TMEM229A: variants seen among roughly 807,000 people sequenced by gnomAD.
TMEM229A encodes the protein transmembrane protein 229A.
In TMEM229A, 23 loss-of-function variants were observed where a neutral mutation model predicts 30.0. The ratio of observed to expected loss-of-function variants is 0.77; its 90% CI spans 0.55 to 1.09. The LOEUF is 1.09. Among genes scored for constraint, TMEM229A ranks in the 50% least tolerant of loss-of-function variants. The pLI, the probability that TMEM229A is intolerant of heterozygous loss-of-function variation, is 0.00. For missense variants in TMEM229A, 534 were observed against 525.9 expected (o/e 1.02, Z -0.15); for synonymous variants, 264 against 241.5 (o/e 1.09, Z -0.86).
At position 124,032,948 on chromosome 7, in the gene TMEM229A, C is replaced by T. The variant is rs1275218241; in HGVS notation, c.56G>A (p.Arg19Gln). Reference sequence around the variant, plus strand: ...TGGCCCGCCAGGGGCCCCCGGACGCCGCGCCGCGCCGCCCCTCCGTGCGGG... The same window carrying T: ...TGGCCCGCCAGGGGCCCCCGGACGCTGCGCCGCGCCGCCCCTCCGTGCGGG... Reference protein sequence around the residue: ...EGPARRGGAARRPGAPGGPGS... With the variant: ...EGPARRGGAAQRPGAPGGPGS... Residue 19 changes from arginine (R) to glutamine (Q), a missense_variant, in exon 1 of 1, where the codon CGG (arginine) becomes CAG (glutamine). Coordinates refer to ENST00000455783, the MANE Select transcript of TMEM229A (RefSeq NM_001136002.2). The surrounding 1 kb of genome is among the most constrained non-coding windows in gnomAD (Gnocchi z 6.6). The T allele has an allele frequency of 2.2e-5, 30 of 1,337,192 alleles. No individual in the cohort carries two copies. The highest frequency in any genetic ancestry group is 2.9e-5 in the Non-Finnish European group (30 of 1,049,816). The allele number at this position is 1,337,192 out of a possible 1,614,324, so 82.8% of individuals were successfully genotyped here. A position where few individuals can be genotyped will look rare whatever the true frequency, so the allele number is the denominator to read the frequency against.
In TMEM229A at chr7:124,032,423, T is replaced by C. The variant is rs1793148160; in HGVS notation, c.581A>G (p.Gln194Arg). The change falls in exon 1 of 1, where the codon CAG becomes CGG. Residue 194 changes from glutamine (Q) to arginine (R), a missense_variant. By Grantham distance (43) the Gln-to-Arg change is conservative. Coordinates refer to ENST00000455783, the MANE Select transcript of TMEM229A (RefSeq NM_001136002.2). This position sits in a 1 kb window ranked among gnomAD's most constrained non-coding sequence, Gnocchi z 6.6. ...CCTCCGCTGCTGCTGCTGCTGCTGCTGCTGCTGTTGCTGCTGCCGCCGCCT... is the reference window on the plus strand; with the variant it reads ...CCTCCGCTGCTGCTGCTGCTGCTGCCGCTGCTGTTGCTGCTGCCGCCGCCT... ...RQRRRQQQQQ[Q>R]QQQQQQRRGA... is the part of the protein sequence containing the mutation. The C allele has an allele frequency of 6.5e-7, 1 of 1,544,652 alleles. No individual in the cohort carries two copies. The highest frequency in any genetic ancestry group is 8.7e-7 in the Non-Finnish European group (1 of 1,145,800).
Position 124,032,445 on chromosome 7 carries a change from G to A in TMEM229A, c.559C>T (p.Arg187Trp). ...TGCTGCTGCTGTTGCTGCTGCCGCC[G>A]CCTCTGTCGCCCGTACCGCAAGCGC... ...FLRLRYGRQR[R>W]RQQQQQQQQQ... Residue 187 changes from arginine (R) to tryptophan (W), a missense_variant, in exon 1 of 1, where the codon CGG becomes TGG. Coordinates refer to ENST00000455783, the MANE Select transcript of TMEM229A (RefSeq NM_001136002.2). The surrounding 1 kb of genome is among the most constrained non-coding windows in gnomAD (Gnocchi z 6.6). 2 of 1,547,334 alleles carry A rather than the reference G, an allele frequency of 1.3e-6. No individual in the cohort carries two copies. The highest frequency in any genetic ancestry group is 1.7e-6 in the Non-Finnish European group (2 of 1,146,218).
In TMEM229A at chr7:124,031,532, C is replaced by T. The variant is rs1377012891; in HGVS notation, c.*329G>A. 1 of 190,138 alleles carries T rather than the reference C, an allele frequency of 5.3e-6. No homozygotes were observed. The highest frequency in any genetic ancestry group is 1.3e-4 in the East Asian group (1 of 7,682). The allele number at this position is 190,138 out of a possible 1,614,324, so 11.8% of individuals were successfully genotyped here. On this transcript the variant is annotated 3_prime_UTR_variant, in exon 1 of 1. Transcript: ENST00000455783. This position sits in a 1 kb window ranked among gnomAD's most constrained non-coding sequence, Gnocchi z 4.1. ...TTAGTAGCTGTCACTCATCTGTTGC[C>T]AGATGGGTAAACACTACTACATCAT...
Position 124,031,613 on chromosome 7 carries a change from T to C in TMEM229A, c.*248A>G, listed in dbSNP as rs1015658102. 7.5e-6 allele frequency: 3 copies of C among 398,608 alleles called. No homozygotes were observed. Among genetic ancestry groups the C allele is most frequent in the Non-Finnish European group, 1.3e-5 (3 of 228,052 alleles). The allele number at this position is 398,608 out of a possible 1,614,324, so 24.7% of individuals were successfully genotyped here. A position where few individuals can be genotyped will look rare whatever the true frequency, so the allele number is the denominator to read the frequency against. ...TTGGGCGTGTAAACGTTTGGGCTTG[T>C]AAATGTTTTAAAACATTGGCAAATA... On this transcript the variant is annotated 3_prime_UTR_variant, in exon 1 of 1. Transcript: ENST00000455783. This position sits in a 1 kb window ranked among gnomAD's most constrained non-coding sequence, Gnocchi z 4.1.
At position 124,032,092 on chromosome 7, in the gene TMEM229A, C is replaced by G. The variant is rs1197306726; in HGVS notation, c.912G>C (p.Trp304Cys). Residue 304 changes from tryptophan (W) to cysteine (C), a missense_variant, in exon 1 of 1, where the codon TGG becomes TGC. By Grantham distance (215) the Trp-to-Cys change is radical (BLOSUM62 -2). Transcript: ENST00000455783. This position sits in a 1 kb window ranked among gnomAD's most constrained non-coding sequence, Gnocchi z 6.6. The part of the protein sequence containing the change: ...LYFHLHYSRG[W>C]GTWKRVPIYV... Reference sequence around the variant, plus strand: ...AGATGGGCACCCGCTTCCAAGTGCCCCAACCGCGGCTGTAGTGGAGGTGGA... The same window carrying G: ...AGATGGGCACCCGCTTCCAAGTGCCGCAACCGCGGCTGTAGTGGAGGTGGA... 6.4e-7 allele frequency: 1 copy of G among 1,551,594 alleles called. No homozygotes were observed. The highest frequency in any genetic ancestry group is 8.7e-7 in the Non-Finnish European group (1 of 1,147,006).
In TMEM229A at chr7:124,032,665, G is replaced by A; in HGVS notation, c.339C>T (p.Arg113=). 6.4e-7 allele frequency: 1 copy of A among 1,551,482 alleles called. No homozygotes were observed. Among genetic ancestry groups the A allele is most frequent in the Non-Finnish European group, 8.7e-7 (1 of 1,146,866 alleles). The change falls in exon 1 of 1, where the codon CGC becomes CGT. Residue 113 remains arginine, a synonymous_variant. Transcript: ENST00000455783. The surrounding 1 kb of genome is among the most constrained non-coding windows in gnomAD (Gnocchi z 6.6). Reference sequence around the variant, plus strand: ...AATTGAAGACGAAGGCGTTGGGACAGCGCCGCTGCTGCAGGTACACCTTCT... The same window carrying A: ...AATTGAAGACGAAGGCGTTGGGACAACGCCGCTGCTGCAGGTACACCTTCT... ...ALEKVYLQQR[R]CPNAFVFNFL...
chr7:124,033,020 C>G lies in TMEM229A; in HGVS notation c.-17G>C, dbSNP rs1793160151. On this transcript the variant is annotated 5_prime_UTR_variant, in exon 1 of 1. Transcript: ENST00000455783. ...CCCCGCCATGGGCTCGGAGGCTGTCCGAACGCCCGAGGCTGCACCGCCGCC... is the reference window on the plus strand; with the variant it reads ...CCCCGCCATGGGCTCGGAGGCTGTCGGAACGCCCGAGGCTGCACCGCCGCC... 1.6e-6 allele frequency: 2 copies of G among 1,244,024 alleles called. No homozygotes were observed. Among genetic ancestry groups the G allele is most frequent in the East Asian group, 3.4e-5 (1 of 29,608 alleles). The allele number at this position is 1,244,024 out of a possible 1,614,324, so 77.1% of individuals were successfully genotyped here.
At position 124,031,857 on chromosome 7, in the gene TMEM229A, G is replaced by C; in HGVS notation, c.*4C>G. On this transcript the variant is annotated 3_prime_UTR_variant, in exon 1 of 1. Transcript: ENST00000455783. The surrounding 1 kb of genome is among the most constrained non-coding windows in gnomAD (Gnocchi z 4.1). ...TTTTCCTTTTCTTTCTTTCTTTTTT[G>C]GTTTTAGTTAGCTGGTACGTACTGC... is the stretch of plus-strand genomic sequence containing the variant. The C allele has an allele frequency of 6.8e-7, 1 of 1,473,570 alleles. No individual in the cohort carries two copies. 91.3% of individuals were successfully genotyped at this position (1,473,570 alleles called of 1,614,324 possible). A position where few individuals can be genotyped will look rare whatever the true frequency, so the allele number is the denominator to read the frequency against.
At position 124,032,825 on chromosome 7, in the gene TMEM229A, T is replaced by C; in HGVS notation, c.179A>G (p.Tyr60Cys). Residue 60 changes from tyrosine (Y) to cysteine (C), a missense_variant, in exon 1 of 1, where the codon TAC becomes TGC. By Grantham distance (194) the Tyr-to-Cys change is radical. Coordinates refer to ENST00000455783, the MANE Select transcript of TMEM229A (RefSeq NM_001136002.2). This position sits in a 1 kb window ranked among gnomAD's most constrained non-coding sequence, Gnocchi z 6.6. ...GTCCAGGGTGATCCCGTGCATCCCG[T>C]AGAAGTAGAGGCGCATCCAGGCGGG... ...TLPAWMRLYF[Y>C]GMHGITLDVL... 6.5e-7 allele frequency: 1 copy of C among 1,549,144 alleles called. No individual in the cohort carries two copies. The highest frequency in any genetic ancestry group is 8.7e-7 in the Non-Finnish European group (1 of 1,146,130).
Position 124,031,686 on chromosome 7 carries a change from A to G in TMEM229A, c.*175T>C, listed in dbSNP as rs1318145610. 3.2e-6 allele frequency: 2 copies of G among 633,944 alleles called. No homozygotes were observed. The highest frequency in any genetic ancestry group is 6.4e-5 in the Admixed American group (2 of 31,360). 39.3% of individuals were successfully genotyped at this position (633,944 alleles called of 1,614,324 possible). On this transcript the variant is annotated 3_prime_UTR_variant, in exon 1 of 1. Transcript: ENST00000455783. The surrounding 1 kb of genome is among the most constrained non-coding windows in gnomAD (Gnocchi z 4.1). ...AGTAGTGTTTCAAAGTATATTATAC[A>G]CGGGTTTCAAATAGAAAAACTAAAA...
chr7:124,032,951 G>T lies in TMEM229A; in HGVS notation c.53C>A (p.Ala18Glu). 7.5e-7 allele frequency: 1 copy of T among 1,337,018 alleles called. No individual in the cohort carries two copies. 82.8% of individuals were successfully genotyped at this position (1,337,018 alleles called of 1,614,324 possible). Reference protein sequence around the residue: ...SEGPARRGGAARRPGAPGGPG... With the variant: ...SEGPARRGGAERRPGAPGGPG... ...CCCGCCAGGGGCCCCCGGACGCCGC[G>T]CCGCGCCGCCCCTCCGTGCGGGGCC... Residue 18 changes from alanine to glutamate, a missense_variant, in exon 1 of 1, where the codon GCG becomes GAG. Coordinates refer to ENST00000455783, the MANE Select transcript of TMEM229A (RefSeq NM_001136002.2). This position sits in a 1 kb window ranked among gnomAD's most constrained non-coding sequence, Gnocchi z 6.6.
chr7:124,032,765 C>G lies in TMEM229A; in HGVS notation c.239G>C (p.Ser80Thr). Residue 80 changes from serine (S) to threonine (T), a missense_variant, in exon 1 of 1, where the codon AGC (serine) becomes ACC (threonine). Ser to Thr is a moderately conservative substitution (Grantham distance 58). Transcript: ENST00000455783. This position sits in a 1 kb window ranked among gnomAD's most constrained non-coding sequence, Gnocchi z 6.6. ...GAAGCCTAGCATCCGCAGGTCCGGG[C>G]TGCGGGCGAAGCGCCGGGCCGAGGA... ...LVSSARRFAR[S>T]PDLRMLGFSS... 6.4e-7 allele frequency: 1 copy of G among 1,551,292 alleles called. No individual in the cohort carries two copies. Among genetic ancestry groups the G allele is most frequent in the Non-Finnish European group, 8.7e-7 (1 of 1,146,856 alleles).
rs1206930357 is a variant in TMEM229A at position 124,031,980 on chromosome 7, G to A, written c.1024C>T (p.Pro342Ser). Residue 342 changes from proline (P) to serine (S), a missense_variant, in exon 1 of 1, where the codon CCG becomes TCG. Physicochemically the swap from Pro to Ser is moderately conservative, Grantham distance 74. Transcript: ENST00000455783. The surrounding 1 kb of genome is among the most constrained non-coding windows in gnomAD (Gnocchi z 4.1). ...GACSWDYSHY[P>S]LNFMGLITLM... ...GTGATGAGGCCCATAAAATTGAGCG[G>A]GTAGTGAGAATAGTCCCAGGAACAA... 6.4e-7 allele frequency: 1 copy of A among 1,551,516 alleles called. No homozygotes were observed. Among genetic ancestry groups the A allele is most frequent in the African/African-American group, 1.4e-5 (1 of 73,016 alleles).
rs1370177860 is a variant in TMEM229A at position 124,032,177 on chromosome 7, G to T, written c.827C>A (p.Thr276Lys). The T allele has an allele frequency of 1.3e-6, 2 of 1,551,862 alleles. No individual in the cohort carries two copies. Among genetic ancestry groups the T allele is most frequent in the Admixed American group, 2.0e-5 (1 of 51,002 alleles). The change falls in exon 1 of 1, where the codon ACG becomes AAG. Residue 276 changes from threonine (T) to lysine (K), a missense_variant. Coordinates refer to ENST00000455783, the MANE Select transcript of TMEM229A (RefSeq NM_001136002.2). The surrounding 1 kb of genome is among the most constrained non-coding windows in gnomAD (Gnocchi z 6.6). ...GQGDGTTSGH[T>K]SLWSFFMYGS... is the part of the protein sequence containing the mutation. ...GTACATAAAGAAGGACCAGAGCGAC[G>T]TGTGGCCGCTGGTTGTCCCGTCCCC...
At position 124,032,743 on chromosome 7, in the gene TMEM229A, G is replaced by A; in HGVS notation, c.261C>T (p.Gly87=). The change falls in exon 1 of 1, where the codon GGC becomes GGT. Residue 87 remains glycine (G), a synonymous_variant. Transcript: ENST00000455783. This position sits in a 1 kb window ranked among gnomAD's most constrained non-coding sequence, Gnocchi z 6.6. ...FARSPDLRML[G]FSSPYRCLLH... ...GCAGGCAGCGGTAGGGCGAGGAGAA[G>A]CCTAGCATCCGCAGGTCCGGGCTGC... 1.3e-6 allele frequency: 2 copies of A among 1,551,404 alleles called. No individual in the cohort carries two copies. The highest frequency in any genetic ancestry group is 2.4e-5 in the South Asian group (2 of 84,062).
rs879062406 is a variant in TMEM229A, at chr7:124,032,321, C to T, written c.683G>A (p.Arg228Lys). 3.9e-6 allele frequency: 6 copies of T among 1,547,716 alleles called. 1 individual carries two copies. The South Asian group carries it at 7.2e-5, about 18-fold the overall frequency. The part of the protein sequence containing the change: ...GARRRRPRGP[R>K]GAGGAPSQGL... ...CTGGCTGGGGGCTCCCCCGGCGCCC[C>T]TGGGGCCACGGGGTCGTCGCCGCCG... Residue 228 changes from arginine (R) to lysine (K), a missense_variant, in exon 1 of 1, where the codon AGG (arginine) becomes AAG (lysine). Arg to Lys is a conservative substitution (Grantham distance 26, BLOSUM62 2). Transcript: ENST00000455783. This position sits in a 1 kb window ranked among gnomAD's most constrained non-coding sequence, Gnocchi z 6.6.
chr7:124,031,923 T>G lies in TMEM229A; in HGVS notation c.1081A>C (p.Ser361Arg). The change falls in exon 1 of 1, where the codon AGT becomes CGT. Residue 361 changes from serine (S) to arginine (R), a missense_variant. Transcript: ENST00000455783. This position sits in a 1 kb window ranked among gnomAD's most constrained non-coding sequence, Gnocchi z 4.1. ...LMYLPGWIFL[S>R]VYQDLISNVL... ...TTGGAAATTAGGTCCTGGTACACAC[T>G]AAGGAATATCCAGCCAGGTAAATAC... The G allele has an allele frequency of 6.4e-7, 1 of 1,551,628 alleles. No individual in the cohort carries two copies. The highest frequency in any genetic ancestry group is 1.2e-5 in the South Asian group (1 of 84,056).
Position 124,032,991 on chromosome 7 carries a change from C to G in TMEM229A, c.13G>C (p.Asp5His). Residue 5 changes from aspartate (D) to histidine (H), a missense_variant, in exon 1 of 1, where the codon GAC (aspartate) becomes CAC (histidine). Coordinates refer to ENST00000455783, the MANE Select transcript of TMEM229A (RefSeq NM_001136002.2). The surrounding 1 kb of genome is among the most constrained non-coding windows in gnomAD (Gnocchi z 6.6). Reference sequence around the variant, plus strand: ...CGTGCGGGGCCCTCGCTGTCCACGTCGCTCCCCGCCATGGGCTCGGAGGCT... The same window carrying G: ...CGTGCGGGGCCCTCGCTGTCCACGTGGCTCCCCGCCATGGGCTCGGAGGCT... Reference protein sequence around the residue: MAGSDVDSEGPARRG... With the variant: MAGSHVDSEGPARRG... 7.8e-7 allele frequency: 1 copy of G among 1,276,858 alleles called. No homozygotes were observed. The highest frequency in any genetic ancestry group is 9.8e-7 in the Non-Finnish European group (1 of 1,017,038). The allele number at this position is 1,276,858 out of a possible 1,614,324, so 79.1% of individuals were successfully genotyped here.
rs1414184399 is a variant in TMEM229A at position 124,032,317 on chromosome 7, G to A, written c.687C>T (p.Gly229=). The change falls in exon 1 of 1, where the codon GGC becomes GGT. Residue 229 remains glycine, a synonymous_variant. Coordinates refer to ENST00000455783, the MANE Select transcript of TMEM229A (RefSeq NM_001136002.2). The surrounding 1 kb of genome is among the most constrained non-coding windows in gnomAD (Gnocchi z 6.6). ...GCCCCTGGCTGGGGGCTCCCCCGGCGCCCCTGGGGCCACGGGGTCGTCGCC... is the reference window on the plus strand; with the variant it reads ...GCCCCTGGCTGGGGGCTCCCCCGGCACCCCTGGGGCCACGGGGTCGTCGCC... ...ARRRRPRGPR[G]AGGAPSQGLP... is the part of the protein sequence containing the mutation. 1.3e-6 allele frequency: 2 copies of A among 1,547,546 alleles called. No individual in the cohort carries two copies. Among genetic ancestry groups the A allele is most frequent in the East Asian group, 4.9e-5 (2 of 40,728 alleles).
Sources: gnomAD v4.1 joint callset for allele counts on GRCh38, gnomAD v4.1.1 for gene constraint, Gnocchi (gnomAD v3.1) non-coding constraint, MANE v1.5 for transcripts, NCBI Gene and HGNC (gene_info 2026-07-23, HGNC 2026-07-21) for gene names.